PLPP4: variants seen among roughly 807,000 people sequenced by gnomAD.
PLPP4 encodes the protein diacylglycerol pyrophosphate like 2.
A neutral mutation model predicts 32.2 loss-of-function variants in PLPP4; 20 were observed. The ratio of observed to expected loss-of-function variants is 0.62; its 90% CI spans 0.44 to 0.90. The LOEUF is 0.90. Ranked by LOEUF, PLPP4 falls within the 40% of genes least tolerant of loss-of-function variation. PLPP4 has a pLI of 0.00. For synonymous variants in PLPP4, 127 were observed against 133.0 expected, an observed-to-expected ratio of 0.95 and a Z score of 0.31; for missense variants, 257 against 353.1, an observed-to-expected ratio of 0.73 and a Z score of 2.18.
intron 5 of PLPP4, among the ~76,000 whole-genome samples, chr10:120,531,346 C>T (rs556393026): frequency 1.3e-5 from 2 of 152,076 alleles, no homozygotes; most frequent in Admixed American, 6.5e-5. Flanking sequence ...CCTCATGATC[C>T]GACCGCCTCA....
At chr10:120,577,536 A>G (rs1419284621) in intron 6 of PLPP4, among the ~76,000 whole-genome samples, 2 of 152,200 alleles carry the variant, frequency 1.3e-5, no homozygotes, top group African/African-American at 2.4e-5. Flanking sequence ...TTGAAACCGT[A>G]CTATCCAACA....
intron 1 of PLPP4, among the ~76,000 whole-genome samples, chr10:120,497,869 T>C (rs902987959): frequency 1.3e-5 from 2 of 151,872 alleles, no homozygotes; most frequent in African/African-American, 4.8e-5. Flanking sequence ...TGAAACCCCG[T>C]CTCTACTAAA....
chr10:120,539,736 C>T (rs926604625), intron 5 of PLPP4, among the ~76,000 whole-genome samples: 1 of 152,070 alleles, frequency 6.6e-6, no homozygotes, highest in African/African-American at 2.4e-5. Context: ...CATTTCAGGC[C>T]ACAAGTTGTT....
At chr10:120,505,002 A>G (rs1845429815) in intron 2 of PLPP4, among the ~76,000 whole-genome samples, 2 of 152,250 alleles carry the variant, frequency 1.3e-5, no homozygotes, top group Non-Finnish European at 2.9e-5. Flanking sequence ...CCACATGGCA[A>G]TTGCCACATG....
chr10:120,584,136 C>T (rs1340863884), intron 6 of PLPP4, among the ~76,000 whole-genome samples: 2 of 152,170 alleles, frequency 1.3e-5, no homozygotes, highest in Admixed American at 6.5e-5. Flanking sequence ...TTCTCACATA[C>T]CCTTCTCTCT....
chr10:120,569,888 G>A lies in PLPP4; in HGVS notation c.446-5243G>A, dbSNP rs112420602. ...GATGGGCATGTCCCTAATTGGGGGT[G>A]TGAAAACAAACAGGCAGTTAGCATT... On this transcript the variant is annotated intron_variant, in intron 5 of 6. Transcript: ENST00000398250. 8.2e-3 allele frequency among the ~76,000 whole-genome samples: 1,252 copies of A among 152,322 alleles called. 23 individuals carry two copies. Among genetic ancestry groups the A allele is most frequent in the African/African-American group, 0.029 (1,204 of 41,566 alleles).
At chr10:120,558,769 C>G (rs762925472) in intron 5 of PLPP4, among the ~76,000 whole-genome samples, 2 of 151,396 alleles carry the variant, frequency 1.3e-5, no homozygotes, top group Non-Finnish European at 2.9e-5. Context: ...GACTATACCT[C>G]AATTTAAAAA....
intron 5 of PLPP4, among the ~76,000 whole-genome samples, chr10:120,531,548 C>T (rs1338730502): frequency 6.6e-6 from 1 of 152,090 alleles, no homozygotes; most frequent in African/African-American, 2.4e-5. Context: ...AATCTGTCTC[C>T]ATATGTTTTC....
At chr10:120,527,340 C>A (rs1412502244) in intron 5 of PLPP4, among the ~76,000 whole-genome samples, 1 of 152,116 alleles carries the variant, frequency 6.6e-6, no homozygotes, top group East Asian at 1.9e-4. Context: ...ACGCTGCAGT[C>A]TTGACGTAGA....
chr10:120,478,715 A>G (rs897091793), intron 1 of PLPP4, among the ~76,000 whole-genome samples: 15 of 152,198 alleles, frequency 9.9e-5, no homozygotes, highest in Non-Finnish European at 2.2e-4. Context: ...TGCCTTCAGC[A>G]TTTTCCTATG....
At chr10:120,529,219 G>A (rs1347656943) in intron 5 of PLPP4, among the ~76,000 whole-genome samples, 1 of 152,078 alleles carries the variant, frequency 6.6e-6, no homozygotes, top group African/African-American at 2.4e-5. Flanking sequence ...TGTGTAACAG[G>A]GGGTGCTATT....
chr10:120,580,037 G>A (rs533920208), intron 6 of PLPP4, among the ~76,000 whole-genome samples: 25 of 149,438 alleles, frequency 1.7e-4, no homozygotes, highest in East Asian at 2.0e-4. Flanking sequence ...GGAGAATGGC[G>A]TGAACCTGGG....
intron 6 of PLPP4, among the ~76,000 whole-genome samples, chr10:120,585,850 TCTTGCTTTCC>T (rs1359847934): frequency 6.6e-6 from 1 of 152,186 alleles, no homozygotes; most frequent in East Asian, 1.9e-4. Context: ...TGGGAATGCC[TCTTGCTTTCC>T]CTGCTGTCCT....
In PLPP4 at chr10:120,513,924, T is replaced by C; in HGVS notation, c.179T>C (p.Leu60Pro). The C allele has an allele frequency of 6.2e-7, 1 of 1,613,924 alleles. No individual in the cohort carries two copies. Among genetic ancestry groups the C allele is most frequent in the Non-Finnish European group, 8.5e-7 (1 of 1,179,852 alleles). ...PTRLMFAISF[L>P]TPLAVICVVK... ...TATTTCTTCCAGGCAATTTCTTTCC[T>C]CACACCCCTGGCTGTTATTTGTGTG... is the stretch of plus-strand genomic sequence containing the variant. Residue 60 changes from leucine to proline, a missense_variant, in exon 3 of 7, where the codon CTC (leucine) becomes CCC (proline). Coordinates refer to ENST00000398250, the MANE Select transcript of PLPP4 (RefSeq NM_001030059.3).
rs115400571 is a variant in PLPP4 at position 120,494,789 on chromosome 10, G to A, written c.57-9029G>A. ...CATTTCTTTTTCCACCTCCTTCCCT[G>A]TGCATTCTTTCTTTCCCCTCTTTCC... On this transcript the variant is annotated intron_variant, in intron 1 of 6. Transcript: ENST00000398250. Among the ~76,000 whole-genome samples, 138 of 152,296 alleles carry A rather than the reference G, an allele frequency of 9.1e-4. 1 individual carries two copies. The highest frequency in any genetic ancestry group is 3.2e-3 in the African/African-American group (131 of 41,572).
intron 5 of PLPP4, among the ~76,000 whole-genome samples, chr10:120,562,419 C>A (rs1272451759): frequency 2.6e-5 from 4 of 152,068 alleles, no homozygotes; most frequent in Non-Finnish European, 5.9e-5. Context: ...AATTCCTAAC[C>A]CTTTTTATTG....
intron 2 of PLPP4, among the ~76,000 whole-genome samples, chr10:120,508,056 G>A (rs1192306521): frequency 2.6e-5 from 4 of 152,066 alleles, no homozygotes; most frequent in East Asian, 1.9e-4. Context: ...TTTTTGCTTC[G>A]ACCGTGATAT....
chr10:120,559,412 AAG>A (rs1446910863), intron 5 of PLPP4, among the ~76,000 whole-genome samples: 1 of 152,120 alleles, frequency 6.6e-6, no homozygotes, highest in African/African-American at 2.4e-5. Flanking sequence ...TTATTAAAGA[AAG>A]AGTACATACA....
intron 1 of PLPP4, among the ~76,000 whole-genome samples, chr10:120,470,166 A>G (rs1227969742): frequency 1.3e-5 from 2 of 152,234 alleles, no homozygotes; most frequent in African/African-American, 4.8e-5. Context: ...CCTGGAATGT[A>G]ACATTTGCTT....
Sources: allele counts gnomAD v4.1 joint callset (sites outside exome capture counted in the v4.1 genomes callset), GRCh38; gene constraint gnomAD v4.1.1; transcripts MANE v1.5; gene names NCBI Gene and HGNC (gene_info 2026-07-23, HGNC 2026-07-21).